The following HECW2 variants were observed in gnomAD, a reference collection of about 807,000 sequenced individuals.
HECW2 encodes the protein E3 ubiquitin-protein ligase HECW2.
HECW2 carries 61 observed loss-of-function variants against 175.2 expected under a neutral mutation model. That is an observed-to-expected ratio of 0.35 (90% CI 0.28 to 0.43). The LOEUF is 0.43. Among genes scored for constraint, HECW2 ranks in the 20% least tolerant of loss-of-function variants. HECW2 has a pLI of 1.00. For missense variants in HECW2, 1,524 were observed against 2,000.5 expected (o/e 0.76, Z 4.54); for synonymous variants, 671 against 731.0 (o/e 0.92, Z 1.32).
intron 21 of HECW2, among the ~76,000 whole-genome samples, chr2:196,237,581 T>A (rs911306340): frequency 6.6e-6 from 1 of 152,248 alleles, no homozygotes; most frequent in Non-Finnish European, 1.5e-5. Flanking sequence ...GTTGGCTCTA[T>A]CCACTCATTG....
rs7566412 is a variant in HECW2, at chr2:196,343,263, T to C, written c.400+394A>G. On this transcript the variant is annotated intron_variant, in intron 3 of 28. Transcript: ENST00000644978. ...CCTCTCGTATACTTTAAATCATCTCTAGATAACTTATAATACCTAACATAA... is the reference window on the plus strand; with the variant it reads ...CCTCTCGTATACTTTAAATCATCTCCAGATAACTTATAATACCTAACATAA... Among the ~76,000 whole-genome samples the C allele has an allele frequency of 3.7e-3, 570 of 152,310 alleles. 4 individuals carry two copies. The highest frequency in any genetic ancestry group is 0.013 in the African/African-American group (538 of 41,560).
intron 1 of HECW2, among the ~76,000 whole-genome samples, chr2:196,462,095 C>T (rs1696769544): frequency 6.6e-6 from 1 of 151,932 alleles, no homozygotes; most frequent in Admixed American, 6.6e-5. Context: ...CATTTAGAAA[C>T]AGGTTTTTTC....
rs200469302 is a variant in HECW2 at position 196,491,359 on chromosome 2, C to CATAT, written c.-35-57905_-35-57902dup. ...CCCATGTCTAAAACAAATACAAAAT[C>CATAT]ATATATATATACACACACACACACA... On this transcript the variant is annotated intron_variant, in intron 1 of 28. Transcript: ENST00000644978. Among the ~76,000 whole-genome samples, 116 of 89,492 alleles carry CATAT rather than the reference C, an allele frequency of 1.3e-3. 1 individual carries two copies. The highest frequency in any genetic ancestry group is 4.0e-3 in the African/African-American group (105 of 25,964). 58.7% of individuals were successfully genotyped at this position (89,492 alleles called of 152,430 possible).
intron 15 of HECW2, among the ~76,000 whole-genome samples, chr2:196,276,070 T>C (rs1166870741): frequency 6.6e-6 from 1 of 152,202 alleles, no homozygotes; most frequent in Non-Finnish European, 1.5e-5. Context: ...CACTCCAATA[T>C]ATACTTTCTC....
At chr2:196,226,146 T>C (rs935686646) in intron 22 of HECW2, among the ~76,000 whole-genome samples, 5 of 152,044 alleles carry the variant, frequency 3.3e-5, no homozygotes, top group Non-Finnish European at 7.4e-5. Context: ...TGGAGGCTGA[T>C]CCCTTATGGC....
intron 1 of HECW2, among the ~76,000 whole-genome samples, chr2:196,579,876 A>G (rs1026794859): frequency 1.3e-5 from 2 of 152,144 alleles, no homozygotes; most frequent in African/African-American, 4.8e-5. Flanking sequence ...GAAGAAACCA[A>G]ACTTGCCAAC....
chr2:196,221,280 A>C (rs1687659656), intron 24 of HECW2, among the ~76,000 whole-genome samples: 1 of 152,110 alleles, frequency 6.6e-6, no homozygotes. Flanking sequence ...CTCAGAATTG[A>C]CTATATCTAG....
At chr2:196,377,292 T>C (rs1694077334) in intron 2 of HECW2, among the ~76,000 whole-genome samples, 1 of 152,210 alleles carries the variant, frequency 6.6e-6, no homozygotes, top group Non-Finnish European at 1.5e-5. Flanking sequence ...CTTGCAACAA[T>C]TGTATTCTTG....
At chr2:196,261,059 G>A (rs1320437071) in intron 17 of HECW2, among the ~76,000 whole-genome samples, 1 of 152,128 alleles carries the variant, frequency 6.6e-6, no homozygotes, top group Admixed American at 6.5e-5. Context: ...AAGGGACGGC[G>A]AACACACCTG....
At chr2:196,327,760 A>G (rs1033146052) in intron 5 of HECW2, among the ~76,000 whole-genome samples, 3 of 152,254 alleles carry the variant, frequency 2.0e-5, no homozygotes, top group Non-Finnish European at 4.4e-5. Context: ...GGTAAGAAAT[A>G]AAACAGATGT....
rs151338409 is a variant in HECW2 at position 196,334,787 on chromosome 2, T to G, written c.401-269A>C. Reference sequence around the variant, plus strand: ...AATAGTGTAGCGATAAGAATGGGACTAGCTGGCATTTATTGAGGTGCTCCT... The same window carrying G: ...AATAGTGTAGCGATAAGAATGGGACGAGCTGGCATTTATTGAGGTGCTCCT... On this transcript the variant is annotated intron_variant, in intron 3 of 28. Transcript: ENST00000644978. 5.8e-3 allele frequency among the ~76,000 whole-genome samples: 886 copies of G among 152,342 alleles called. 9 individuals carry two copies. The highest frequency in any genetic ancestry group is 0.02 in the Middle Eastern group (6 of 294).
intron 1 of HECW2, among the ~76,000 whole-genome samples, chr2:196,437,705 C>T (rs1695921432): frequency 6.6e-6 from 1 of 152,058 alleles, no homozygotes; most frequent in African/African-American, 2.4e-5. Flanking sequence ...GATACTGAGG[C>T]TCCATGAGGT....
chr2:196,437,611 C>CGAAAAAAAAAAAAAAA (rs71407882), intron 1 of HECW2, among the ~76,000 whole-genome samples: 1 of 55,786 alleles, frequency 1.8e-5, no homozygotes, highest in African/African-American at 6.3e-5. Context: ...GACTCTGTCT[C>CGAAAAAAAAAAAAAAA]AAAAAAAAAA....
At chr2:196,282,502 C>G (rs895880301) in intron 14 of HECW2, among the ~76,000 whole-genome samples, 1 of 151,520 alleles carries the variant, frequency 6.6e-6, no homozygotes, top group Non-Finnish European at 1.5e-5. Flanking sequence ...AAAACACATG[C>G]AAGATATATG....
intron 17 of HECW2, among the ~76,000 whole-genome samples, chr2:196,267,122 T>C (rs1689548260): frequency 6.6e-6 from 1 of 152,206 alleles, no homozygotes; most frequent in Non-Finnish European, 1.5e-5. Flanking sequence ...AAATAATCAC[T>C]GGTGCCTGGG....
chr2:196,242,024 C>T, intron 20 of HECW2, 60 bp downstream of exon 20: 1 of 1,523,682 alleles, frequency 6.6e-7, no homozygotes, highest in Non-Finnish European at 9.1e-7. Flanking sequence ...CCTAGAGGCC[C>T]AACTGTGCCC....
chr2:196,266,774 AT>A (rs1167816897), intron 17 of HECW2, among the ~76,000 whole-genome samples: 1 of 152,190 alleles, frequency 6.6e-6, no homozygotes, highest in Non-Finnish European at 1.5e-5. Context: ...AAAATTCTGT[AT>A]TGTTTGATAA....
chr2:196,444,972 G>A (rs1696142771), intron 1 of HECW2, among the ~76,000 whole-genome samples: 1 of 152,104 alleles, frequency 6.6e-6, no homozygotes, highest in Admixed American at 6.5e-5. Context: ...CAAATGCTTA[G>A]CAAGTCCAGC....
intron 1 of HECW2, among the ~76,000 whole-genome samples, chr2:196,477,779 C>T (rs1686700546): frequency 1.3e-5 from 2 of 152,184 alleles, no homozygotes; most frequent in Non-Finnish European, 2.9e-5. Context: ...AGGCTGGGTG[C>T]AGTGACTCAC....
Sources: allele counts gnomAD v4.1 joint callset (sites outside exome capture counted in the v4.1 genomes callset), GRCh38; gene constraint gnomAD v4.1.1; transcripts MANE v1.5; gene names NCBI Gene and HGNC (gene_info 2026-07-23, HGNC 2026-07-21).